SLC10A7: variants seen among roughly 807,000 people sequenced by gnomAD.
SLC10A7 encodes the protein solute carrier family 10 member 7, also known as sodium/bile acid cotransporter 7.
A neutral mutation model predicts 43.2 loss-of-function variants in SLC10A7; 29 were observed. The ratio of observed to expected loss-of-function variants is 0.67; its 90% CI spans 0.50 to 0.92. The LOEUF is 0.92. Ranked by LOEUF, SLC10A7 falls within the 40% of genes least tolerant of loss-of-function variation. The pLI is 0.00. For missense variants in SLC10A7, 295 were observed against 403.2 expected (o/e 0.73, Z 2.30); for synonymous variants, 152 against 144.8 (o/e 1.05, Z -0.35).
chr4:146,400,669 G>C (rs903352453), intron 5 of SLC10A7, among the ~76,000 whole-genome samples: 5 of 152,036 alleles, frequency 3.3e-5, no homozygotes, highest in African/African-American at 1.2e-4. Flanking sequence ...TCTGAGACTT[G>C]TGGAATTTTT....
At chr4:146,283,458 G>C (rs1333048559) in intron 9 of SLC10A7, among the ~76,000 whole-genome samples, 193 bp from the exon 10 acceptor site, 8 of 152,074 alleles carry the variant, frequency 5.3e-5, no homozygotes, top group Non-Finnish European at 7.4e-5. Flanking sequence ...ATTTATCCAT[G>C]AAAAGGAGAA....
chr4:146,458,487 C>G lies in SLC10A7; in HGVS notation c.397-15666G>C, dbSNP rs146304860. The stretch of plus-strand genomic sequence containing the variant: ...AAAATGGAGACTAGGCTGAAAATTC[C>G]CCAAGCAGACCAAGTCAGTTAGTCA... On this transcript the variant is annotated intron_variant, in intron 4 of 11. Transcript: ENST00000335472. Among the ~76,000 whole-genome samples the G allele has an allele frequency of 5.5e-4, 83 of 151,874 alleles. No homozygotes were observed. In the East Asian group the frequency reaches 0.014, roughly 26 times the overall value.
At chr4:146,502,709 C>T (rs1444024352) in intron 4 of SLC10A7, among the ~76,000 whole-genome samples, 1 of 152,094 alleles carries the variant, frequency 6.6e-6, no homozygotes, top group African/African-American at 2.4e-5. Flanking sequence ...ATGAACACAA[C>T]ATAGATGAAT....
chr4:146,422,886 C>G (rs528019441), intron 5 of SLC10A7, among the ~76,000 whole-genome samples: 1 of 152,040 alleles, frequency 6.6e-6, no homozygotes, highest in Non-Finnish European at 1.5e-5. Context: ...CATATTTTAG[C>G]CAATCTTTAC....
chr4:146,429,529 ATTAATG>A (rs1458584665), intron 5 of SLC10A7, among the ~76,000 whole-genome samples: 2 of 152,194 alleles, frequency 1.3e-5, no homozygotes, highest in African/African-American at 4.8e-5. Context: ...AAGACAGTCA[ATTAATG>A]TAATAAATGA....
intron 4 of SLC10A7, among the ~76,000 whole-genome samples, chr4:146,487,794 T>C (rs1357285815): frequency 6.6e-6 from 1 of 152,116 alleles, no homozygotes; most frequent in Non-Finnish European, 1.5e-5. Context: ...ATCTGTAATC[T>C]CATCTCTTTG....
chr4:146,277,697 G>T (rs535742610), intron 10 of SLC10A7, among the ~76,000 whole-genome samples: 19 of 152,012 alleles, frequency 1.2e-4, no homozygotes, highest in African/African-American at 4.6e-4. Context: ...ATTTTCTGTC[G>T]TTCCTCTGGA....
rs531308743 is a variant in SLC10A7 at position 146,300,072 on chromosome 4, C to G, written c.555+5854G>C. Among the ~76,000 whole-genome samples the G allele has an allele frequency of 6.7e-4, 101 of 151,852 alleles. 1 individual carries two copies. The highest frequency in any genetic ancestry group is 1.8e-4 in the Non-Finnish European group (12 of 67,990). On this transcript the variant is annotated intron_variant, in intron 7 of 11. Transcript: ENST00000335472. Reference sequence around the variant, plus strand: ...AGAGTGAAGGAGTTGAGAATAATTGCCAAGGAGGGATTATAATGGTAGACT... The same window carrying G: ...AGAGTGAAGGAGTTGAGAATAATTGGCAAGGAGGGATTATAATGGTAGACT...
At chr4:146,277,531 T>C (rs369306923) in intron 10 of SLC10A7, among the ~76,000 whole-genome samples, 6 of 152,170 alleles carry the variant, frequency 3.9e-5, no homozygotes, top group Admixed American at 6.5e-5. Flanking sequence ...TTTAGCCTGG[T>C]GGTAAAAATC....
intron 5 of SLC10A7, among the ~76,000 whole-genome samples, chr4:146,352,814 A>C (rs1407251593): frequency 7.0e-6 from 1 of 142,928 alleles, no homozygotes; most frequent in African/African-American, 2.7e-5. Flanking sequence ...TGAAGGCAGA[A>C]ATAAAGATGT....
At chr4:146,289,947 C>A (rs1218766986) in intron 9 of SLC10A7, among the ~76,000 whole-genome samples, 2 of 149,514 alleles carry the variant, frequency 1.3e-5, no homozygotes, top group African/African-American at 2.4e-5. Context: ...AACTCCTGAC[C>A]TCGTGATCCA....
At chr4:146,281,396 C>CAAAAAAAAAAAAAAAA (rs774519759) in intron 10 of SLC10A7, among the ~76,000 whole-genome samples, 14 of 74,892 alleles carry the variant, frequency 1.9e-4, no homozygotes, top group East Asian at 1.0e-3. Flanking sequence ...GAAGTAAAAT[C>CAAAAAAAAAAAAAAAA]AAAAAAAAAA....
At chr4:146,259,420 A>G (rs1728083592) in intron 10 of SLC10A7, among the ~76,000 whole-genome samples, 1 of 152,232 alleles carries the variant, frequency 6.6e-6, no homozygotes, top group African/African-American at 2.4e-5. Context: ...TAAGGGTCAT[A>G]CAGATTGGTC....
intron 5 of SLC10A7, among the ~76,000 whole-genome samples, chr4:146,335,276 A>G (rs1733814003): frequency 7.4e-6 from 1 of 136,052 alleles, no homozygotes; most frequent in Non-Finnish European, 1.6e-5. Flanking sequence ...AAAAAAAAAA[A>G]AAAAAGAGTC....
Position 146,503,953 on chromosome 4 carries a change from A to G in SLC10A7, c.321-29T>C, listed in dbSNP as rs756151882. On this transcript the variant is annotated intron_variant, in intron 3 of 11. Coordinates refer to ENST00000335472, the MANE Select transcript of SLC10A7 (RefSeq NM_001029998.6). ...AAAAATAAAAGAAAATCCAACTATA[A>G]ATAATTTTATAATCATAGACAGCTT... The G allele has an allele frequency of 1.1e-5, 17 of 1,591,618 alleles. No homozygotes were observed. In the East Asian group the frequency reaches 2.9e-4, roughly 27 times the overall value.
At chr4:146,425,266 T>A (rs1381228195) in intron 5 of SLC10A7, among the ~76,000 whole-genome samples, 1 of 152,192 alleles carries the variant, frequency 6.6e-6, no homozygotes, top group African/African-American at 2.4e-5. Context: ...TTAAAATGTA[T>A]AAAATGCAAT....
At chr4:146,294,632 A>T (rs1441369782) in intron 7 of SLC10A7, among the ~76,000 whole-genome samples, 2 of 152,236 alleles carry the variant, frequency 1.3e-5, no homozygotes, top group Non-Finnish European at 2.9e-5. Context: ...GCAAAAGTGC[A>T]TGTGTTGTGG....
intron 5 of SLC10A7, chr4:146,442,258 TACA>T: frequency 2.2e-6 from 2 of 910,088 alleles, no homozygotes; most frequent in Non-Finnish European, 2.6e-6. Context: ...TATATATAGA[TACA>T]ACATTTACTT....
intron 5 of SLC10A7, among the ~76,000 whole-genome samples, chr4:146,345,822 G>T (rs1242781755): frequency 6.6e-6 from 1 of 152,058 alleles, no homozygotes; most frequent in African/African-American, 2.4e-5. Flanking sequence ...ATTTTTGAAT[G>T]AATAAATACA....
Sources: allele counts gnomAD v4.1 joint callset (sites outside exome capture counted in the v4.1 genomes callset), GRCh38; gene constraint gnomAD v4.1.1; transcripts MANE v1.5; gene names NCBI Gene and HGNC (gene_info 2026-07-23, HGNC 2026-07-21).